Variants in PCDH9 observed in about 807,000 individuals in gnomAD.
PCDH9 encodes protocadherin-9.
In PCDH9, 24 loss-of-function variants were observed where a neutral mutation model predicts 70.6. The observed-to-expected ratio is 0.34, with a 90% CI of 0.25 to 0.48. The LOEUF is 0.48. Ranked by LOEUF, PCDH9 falls within the 20% of genes least tolerant of loss-of-function variation. The pLI is 0.99. For missense variants in PCDH9, 1,281 were observed against 1,503.6 expected, an observed-to-expected ratio of 0.85 and a Z score of 2.45; for synonymous variants, 562 against 558.5, an observed-to-expected ratio of 1.01 and a Z score of -0.09.
chr13:67,097,518 C>A (rs1203148129), intron 2 of PCDH9, among the ~76,000 whole-genome samples: 1 of 151,960 alleles, frequency 6.6e-6, no homozygotes, highest in Non-Finnish European at 1.5e-5. Context: ...AGCTGTTTAC[C>A]ATTAGAAACA....
At position 66,374,603 on chromosome 13, in the gene PCDH9, G is replaced by A. The variant is rs559813019; in HGVS notation, c.3341-69575C>T. On this transcript the variant is annotated intron_variant, in intron 4 of 4. Coordinates refer to ENST00000377865, the MANE Select transcript of PCDH9 (RefSeq NM_203487.3). ...GGACGTTGTCATAAAATTTGCCCCA[G>A]TCACACAAGTAGTACATAGTAGGTG... Among the ~76,000 whole-genome samples, 12 of 151,986 alleles carry A rather than the reference G, an allele frequency of 7.9e-5. No homozygotes were observed. The East Asian group carries it at 2.3e-3, about 29-fold the overall frequency.
intron 3 of PCDH9, among the ~76,000 whole-genome samples, chr13:66,869,277 T>C (rs953078477): frequency 2.0e-5 from 3 of 152,266 alleles, no homozygotes; most frequent in Admixed American, 1.3e-4. Context: ...ATAGTGTCCT[T>C]GCATTAAAAG....
intron 4 of PCDH9, among the ~76,000 whole-genome samples, chr13:66,518,067 T>C (rs1426871756): frequency 6.6e-6 from 1 of 152,084 alleles, no homozygotes; most frequent in Non-Finnish European, 1.5e-5. Flanking sequence ...CTGCAGGCTG[T>C]ACAAGAAGCA....
intron 3 of PCDH9, among the ~76,000 whole-genome samples, chr13:66,897,830 T>C (rs1295169231): frequency 1.3e-5 from 2 of 152,124 alleles, no homozygotes; most frequent in Admixed American, 6.6e-5. Flanking sequence ...CAGATCTATA[T>C]TAAGTGCAAA....
In PCDH9 at chr13:66,923,833, G is replaced by C. The variant is rs187140743; in HGVS notation, c.3037-20228C>G. 3.3e-5 allele frequency among the ~76,000 whole-genome samples: 5 copies of C among 151,704 alleles called. No individual in the cohort carries two copies. The East Asian group carries it at 7.8e-4, about 24-fold the overall frequency. On this transcript the variant is annotated intron_variant, in intron 2 of 4. Transcript: ENST00000377865. Reference sequence around the variant, plus strand: ...CTAGCATCTGCAAAAATTTATTAATGCATCTCCACAATTATTTCATTTTAC... The same window carrying C: ...CTAGCATCTGCAAAAATTTATTAATCCATCTCCACAATTATTTCATTTTAC...
intron 2 of PCDH9, among the ~76,000 whole-genome samples, chr13:67,079,667 C>G (rs147058650): frequency 6.6e-6 from 1 of 152,178 alleles, no homozygotes; most frequent in African/African-American, 2.4e-5. Context: ...AATTTTGCAT[C>G]AGATTAATCT....
At chr13:67,111,544 A>C (rs1343726512) in intron 2 of PCDH9, among the ~76,000 whole-genome samples, 3 of 152,190 alleles carry the variant, frequency 2.0e-5, no homozygotes, top group Non-Finnish European at 4.4e-5. Flanking sequence ...CGCTACTACC[A>C]AGGTTACAAA....
At chr13:66,751,576 G>A (rs910003204) in intron 3 of PCDH9, among the ~76,000 whole-genome samples, 1 of 152,162 alleles carries the variant, frequency 6.6e-6, no homozygotes. Flanking sequence ...TCAATAGAGT[G>A]ATGTAGAGAT....
At chr13:66,396,370 T>G (rs1957101560) in intron 4 of PCDH9, among the ~76,000 whole-genome samples, 1 of 152,208 alleles carries the variant, frequency 6.6e-6, no homozygotes, top group Non-Finnish European at 1.5e-5. Flanking sequence ...GCATAGTAGC[T>G]TCTCCCGAAT....
intron 2 of PCDH9, among the ~76,000 whole-genome samples, chr13:67,198,195 T>C (rs979247202): frequency 1.3e-5 from 2 of 151,756 alleles, no homozygotes; most frequent in African/African-American, 4.8e-5. Context: ...CTTTGTTCTA[T>C]CTTGCAAATA....
At chr13:67,053,031 A>G (rs559086871) in intron 2 of PCDH9, among the ~76,000 whole-genome samples, 1 of 152,220 alleles carries the variant, frequency 6.6e-6, no homozygotes, top group South Asian at 2.1e-4. Context: ...CAGGGTGGAG[A>G]GGTTTTGAGC....
chr13:66,813,740 T>C (rs371347219), intron 3 of PCDH9, among the ~76,000 whole-genome samples: 2 of 152,194 alleles, frequency 1.3e-5, no homozygotes, highest in East Asian at 1.9e-4. Context: ...TCAACCATGC[T>C]GTACTATATA....
At chr13:67,151,931 A>AT (rs929411720) in intron 2 of PCDH9, among the ~76,000 whole-genome samples, 71 of 150,044 alleles carry the variant, frequency 4.7e-4, no homozygotes, top group East Asian at 1.2e-3. Context: ...AAGAGAGATA[A>AT]TTTTTTTTTT....
At chr13:66,374,662 T>G (rs1392546579) in intron 4 of PCDH9, among the ~76,000 whole-genome samples, 3 of 152,054 alleles carry the variant, frequency 2.0e-5, no homozygotes, top group African/African-American at 7.2e-5. Flanking sequence ...CTGCTGTGAA[T>G]CAGCATTTTT....
At chr13:67,090,031 TG>T (rs1206552790) in intron 2 of PCDH9, among the ~76,000 whole-genome samples, 2 of 152,066 alleles carry the variant, frequency 1.3e-5, no homozygotes, top group African/African-American at 4.8e-5. Context: ...TGTTGAGACT[TG>T]TCATTCAAAA....
intron 4 of PCDH9, among the ~76,000 whole-genome samples, chr13:66,510,166 CA>C (rs781549100): frequency 6.6e-6 from 1 of 151,968 alleles, no homozygotes; most frequent in Non-Finnish European, 1.5e-5. Context: ...TATGAATATA[CA>C]TTATTATTTC....
chr13:67,162,798 T>C (rs2087998835), intron 2 of PCDH9, among the ~76,000 whole-genome samples: 1 of 152,004 alleles, frequency 6.6e-6, no homozygotes, highest in African/African-American at 2.4e-5. Context: ...AAGATAACTG[T>C]TGAATATACA....
intron 3 of PCDH9, among the ~76,000 whole-genome samples, chr13:66,744,186 A>G (rs2079320039): frequency 2.0e-5 from 3 of 152,196 alleles, no homozygotes; most frequent in South Asian, 4.1e-4. Context: ...TCTTTAAACG[A>G]TCAACAATTC....
chr13:67,005,907 G>T (rs1362752642), intron 2 of PCDH9, among the ~76,000 whole-genome samples: 1 of 152,102 alleles, frequency 6.6e-6, no homozygotes, highest in African/African-American at 2.4e-5. Context: ...AGCTGTGGTA[G>T]GCATCATTAC....
Sources: gnomAD v4.1 joint callset for allele counts (sites outside exome capture counted in the v4.1 genomes callset) on GRCh38, gnomAD v4.1.1 for gene constraint, MANE v1.5 for transcripts, NCBI Gene and HGNC (gene_info 2026-07-23, HGNC 2026-07-21) for gene names.